Variants in AGPS observed in about 807,000 individuals in gnomAD.
The protein encoded by AGPS is alkylglycerone phosphate synthase.
AGPS carries 26 observed loss-of-function variants against 90.7 expected under a neutral mutation model. The observed-to-expected ratio is 0.29, with a 90% CI of 0.21 to 0.40. The LOEUF is 0.40. AGPS is among the 10% of genes least tolerant of loss of function. AGPS has a pLI of 1.00. For missense variants in AGPS, 540 were observed against 816.1 expected (o/e 0.66, Z 4.12); for synonymous variants, 294 against 285.3 (o/e 1.03, Z -0.31).
intron 17 of AGPS, among the ~76,000 whole-genome samples, chr2:177,519,741 GA>G (rs1366641981): frequency 6.6e-6 from 1 of 152,166 alleles, no homozygotes; most frequent in Non-Finnish European, 1.5e-5. Flanking sequence ...AGTGTGACAG[GA>G]AAAGGGTCCC....
chr2:177,512,918 A>C (rs1688918105), intron 16 of AGPS, among the ~76,000 whole-genome samples: 1 of 151,894 alleles, frequency 6.6e-6, no homozygotes, highest in Admixed American at 6.6e-5. Context: ...ATGTTGGCTC[A>C]CTGCAACCTC....
intron 16 of AGPS, among the ~76,000 whole-genome samples, chr2:177,512,556 A>G (rs1233906893): frequency 2.6e-5 from 4 of 152,182 alleles, no homozygotes; most frequent in Non-Finnish European, 5.9e-5. Flanking sequence ...TTTTTTATCA[A>G]AGTGGTTCTC....
intron 9 of AGPS, among the ~76,000 whole-genome samples, chr2:177,466,795 G>A (rs1362637508): frequency 6.6e-6 from 1 of 152,162 alleles, no homozygotes; most frequent in East Asian, 1.9e-4. Flanking sequence ...AGACACTTCC[G>A]AGCCTGCAGG....
intron 8 of AGPS, among the ~76,000 whole-genome samples, 199 bp from the exon 9 acceptor site, chr2:177,461,694 T>C (rs1178685353): frequency 6.6e-6 from 1 of 152,130 alleles, no homozygotes; most frequent in Non-Finnish European, 1.5e-5. Context: ...CTTGTAACAT[T>C]TTCCACTAGG....
chr2:177,535,023 T>C (rs115309134), intron 19 of AGPS, among the ~76,000 whole-genome samples: 1,597 of 152,256 alleles, frequency 0.01, 36 homozygotes, highest in African/African-American at 0.036. Context: ...GCAAGGTACT[T>C]ATCTTGTTTT....
rs1553509324 is a variant in AGPS, at chr2:177,434,997, GTATATATATATATATA to G, written c.441+592_441+607del. 3.5e-3 allele frequency among the ~76,000 whole-genome samples: 451 copies of G among 128,132 alleles called. 8 individuals carry two copies. The highest frequency in any genetic ancestry group is 0.013 in the African/African-American group (421 of 32,644). The allele number at this position is 128,132 out of a possible 152,430, so 84.1% of individuals were successfully genotyped here. On this transcript the variant is annotated intron_variant, in intron 3 of 19. Transcript: ENST00000264167. ...GGGATTAGGAAACTTTAAACTGTAGGTATATATATATATATATATATATATATGTATGAAACTAATG... is the reference window on the plus strand; with the variant it reads ...GGGATTAGGAAACTTTAAACTGTAGGTATATATATATGTATGAAACTAATG...
At chr2:177,403,452 T>G (rs548663080) in intron 1 of AGPS, among the ~76,000 whole-genome samples, 1 of 152,282 alleles carries the variant, frequency 6.6e-6, no homozygotes, top group South Asian at 2.1e-4. Flanking sequence ...TTTATAAAAC[T>G]GGTGTGGCAG....
chr2:177,413,363 G>A (rs912576203), intron 1 of AGPS, among the ~76,000 whole-genome samples: 4 of 152,182 alleles, frequency 2.6e-5, no homozygotes, highest in Non-Finnish European at 5.9e-5. Flanking sequence ...GTTCAGTTTT[G>A]TAGTTTCTAC....
In AGPS at chr2:177,539,230, A is replaced by G. The variant is rs1442799456; in HGVS notation, c.*1035A>G. The G allele has an allele frequency of 6.6e-6, 1 of 152,084 alleles. No individual in the cohort carries two copies. Among genetic ancestry groups the G allele is most frequent in the African/African-American group, 2.4e-5 (1 of 41,438 alleles). The allele number at this position is 152,084 out of a possible 1,614,324, so 9.4% of individuals were successfully genotyped here. ...CATGATAAATTTTCATATAAAAAGT[A>G]AAGTTTCAATTTAGTTTTTAATAAT... On this transcript the variant is annotated 3_prime_UTR_variant, in exon 20 of 20. Transcript: ENST00000264167.
intron 12 of AGPS, among the ~76,000 whole-genome samples, chr2:177,493,494 A>G (rs888681804): frequency 6.6e-6 from 1 of 152,170 alleles, no homozygotes; most frequent in African/African-American, 2.4e-5. Context: ...GCTTGAGCTA[A>G]ATCTTCAAAG....
intron 14 of AGPS, among the ~76,000 whole-genome samples, chr2:177,501,962 T>C (rs544774492): frequency 3.0e-4 from 45 of 152,276 alleles, no homozygotes; most frequent in African/African-American, 1.0e-3. Context: ...TTGTCAGTTT[T>C]AATTTGAGCC....
At chr2:177,502,491 CTG>C (rs2105714973) in intron 14 of AGPS, among the ~76,000 whole-genome samples, 1 of 147,680 alleles carries the variant, frequency 6.8e-6, no homozygotes, top group Admixed American at 6.8e-5. Context: ...TCATGGCTCA[CTG>C]TAGCCTCAGC....
intron 1 of AGPS, among the ~76,000 whole-genome samples, chr2:177,409,773 A>G (rs902138116): frequency 1.2e-4 from 18 of 152,136 alleles, no homozygotes; most frequent in African/African-American, 4.3e-4. Context: ...CAAATGCATC[A>G]GGGGCTCCAT....
At chr2:177,517,869 T>C (rs1689067334) in intron 17 of AGPS, among the ~76,000 whole-genome samples, 1 of 152,212 alleles carries the variant, frequency 6.6e-6, no homozygotes, top group Admixed American at 6.5e-5. Context: ...ATAACCTTCA[T>C]ACATTTGAAG....
Position 177,436,389 on chromosome 2 carries a change from A to G in AGPS, c.442-375A>G, listed in dbSNP as rs562399691. Reference sequence around the variant, plus strand: ...ATGGTCTCAATCTCCTGACCTCGTGATCTGCCCTTCTTGGCCTCCGAAAGT... The same window carrying G: ...ATGGTCTCAATCTCCTGACCTCGTGGTCTGCCCTTCTTGGCCTCCGAAAGT... On this transcript the variant is annotated intron_variant, in intron 3 of 19. Coordinates refer to ENST00000264167, the MANE Select transcript of AGPS (RefSeq NM_003659.4). Among the ~76,000 whole-genome samples, 12 of 152,168 alleles carry G rather than the reference A, an allele frequency of 7.9e-5. No individual in the cohort carries two copies. The East Asian group carries it at 2.3e-3, about 29-fold the overall frequency.
intron 1 of AGPS, among the ~76,000 whole-genome samples, chr2:177,403,487 C>T (rs1685384454): frequency 6.6e-6 from 1 of 152,124 alleles, no homozygotes; most frequent in Admixed American, 6.5e-5. Context: ...GATGGTCTTT[C>T]AGCAATCTGG....
intron 14 of AGPS, among the ~76,000 whole-genome samples, chr2:177,501,133 G>C (rs1292951188): frequency 2.6e-5 from 4 of 152,046 alleles, no homozygotes; most frequent in Non-Finnish European, 4.4e-5. Flanking sequence ...ATATTTACTT[G>C]GATTTCATAA....
chr2:177,415,094 C>T (rs1293657570), intron 1 of AGPS, among the ~76,000 whole-genome samples: 2 of 151,702 alleles, frequency 1.3e-5, no homozygotes, highest in Non-Finnish European at 2.9e-5. Context: ...TTGTGTTTAC[C>T]ACTGTTTTAA....
In AGPS at chr2:177,454,710, C is replaced by A. The variant is rs1687059047; in HGVS notation, c.871-7183C>A. On this transcript the variant is annotated intron_variant, in intron 8 of 19. Transcript: ENST00000264167. ...TCTACAAATATTCTTCAGCTTTTCTCCTGGGATGCACTTATGTGGAAACAG... is the reference window on the plus strand; with the variant it reads ...TCTACAAATATTCTTCAGCTTTTCTACTGGGATGCACTTATGTGGAAACAG... Among the ~76,000 whole-genome samples the A allele has an allele frequency of 4.0e-5, 6 of 151,886 alleles. No homozygotes were observed. The South Asian group carries it at 1.0e-3, about 26-fold the overall frequency.
Sources: allele counts gnomAD v4.1 joint callset (sites outside exome capture counted in the v4.1 genomes callset), GRCh38; gene constraint gnomAD v4.1.1; transcripts MANE v1.5; gene names NCBI Gene and HGNC (gene_info 2026-07-23, HGNC 2026-07-21).